Variants in ASCC3 observed in about 807,000 individuals in gnomAD.
ASCC3 encodes the protein ASC-1 complex subunit P200.
A neutral mutation model predicts 256.3 loss-of-function variants in ASCC3; 158 were observed. That is an observed-to-expected ratio of 0.62 (90% CI 0.54 to 0.70). ASCC3 has a LOEUF of 0.70. Among genes scored for constraint, ASCC3 ranks in the 30% least tolerant of loss-of-function variants. The pLI, the probability that ASCC3 is intolerant of heterozygous loss-of-function variation, is 0.00. For missense variants in ASCC3, 2,259 were observed against 2,626.0 expected, an observed-to-expected ratio of 0.86 and a Z score of 3.05; for synonymous variants, 948 against 883.4, an observed-to-expected ratio of 1.07 and a Z score of -1.30.
At position 100,864,158 on chromosome 6, in the gene ASCC3, C is replaced by T. The variant is rs1773367212; in HGVS notation, c.147G>A (p.Lys49=). ...GTTTTTCATTCAAAAATTTTATTAT[C>T]TTCTTCCATGTCAGGCCCAAATCTA... ...QVLDLGLTWK[K]IIKFLNEKLE... Residue 49 remains lysine (K), a synonymous_variant, in exon 3 of 42, where the codon AAG becomes AAA. Transcript: ENST00000369162. 1.9e-6 allele frequency: 3 copies of T among 1,608,204 alleles called. No homozygotes were observed. The Admixed American group carries it at 5.0e-5, about 27-fold the overall frequency.
chr6:100,718,355 A>T, intron 11 of ASCC3, 104 bp from the exon 12 acceptor site: 1 of 936,880 alleles, frequency 1.1e-6, no homozygotes. Flanking sequence ...CTAGACAGAG[A>T]TGAGTGTAGA....
At chr6:100,661,323 T>TCA (rs749963143) in intron 16 of ASCC3, among the ~76,000 whole-genome samples, 3,391 of 141,584 alleles carry the variant, frequency 0.024, 67 homozygotes, top group African/African-American at 0.055. Context: ...AACACAAAAG[T>TCA]CACACACACA....
chr6:100,519,277 T>G (rs1442359715), intron 37 of ASCC3, among the ~76,000 whole-genome samples: 2 of 152,142 alleles, frequency 1.3e-5, no homozygotes, highest in African/African-American at 2.4e-5. Flanking sequence ...GATATCATGA[T>G]TCATGTGATG....
chr6:100,828,092 T>TAAAAAA (rs10684305), intron 4 of ASCC3, among the ~76,000 whole-genome samples: 1 of 125,340 alleles, frequency 8.0e-6, no homozygotes, highest in Non-Finnish European at 1.6e-5. Context: ...CAGTATTTTC[T>TAAAAAA]AAAAAAAAAA....
intron 24 of ASCC3, among the ~76,000 whole-genome samples, chr6:100,642,066 T>C (rs2114891700): frequency 6.6e-6 from 1 of 151,260 alleles, no homozygotes; most frequent in South Asian, 2.1e-4. Flanking sequence ...TAATGTTAAA[T>C]GACGAGTTAA....
At chr6:100,637,830 T>G (rs1774920279) in intron 25 of ASCC3, among the ~76,000 whole-genome samples, 1 of 152,160 alleles carries the variant, frequency 6.6e-6, no homozygotes, top group South Asian at 2.1e-4. Context: ...TGTTACAATC[T>G]CATGATTAAA....
intron 2 of ASCC3, among the ~76,000 whole-genome samples, chr6:100,865,497 G>A (rs1214421579): frequency 6.6e-6 from 1 of 152,092 alleles, no homozygotes; most frequent in Non-Finnish European, 1.5e-5. Context: ...TTTAACTGCT[G>A]TGAACAATGT....
At chr6:100,612,159 A>G (rs1773432368) in intron 30 of ASCC3, among the ~76,000 whole-genome samples, 1 of 151,994 alleles carries the variant, frequency 6.6e-6, no homozygotes, top group East Asian at 1.9e-4. Context: ...TACATTTTAT[A>G]TTTATTATAC....
chr6:100,533,938 A>G (rs1775037605), intron 37 of ASCC3, among the ~76,000 whole-genome samples: 1 of 152,244 alleles, frequency 6.6e-6, no homozygotes, highest in South Asian at 2.1e-4. Flanking sequence ...AATCACCTTT[A>G]GCAGAGCTAT....
intron 3 of ASCC3, 29 bp from the exon 4 acceptor site, chr6:100,848,736 G>T (rs1435766285): frequency 3.8e-6 from 6 of 1,596,094 alleles, no homozygotes; most frequent in Non-Finnish European, 5.1e-6. Flanking sequence ...AACAGTATTA[G>T]CTCAATTGAA....
At chr6:100,666,018 C>T (rs1214190963) in intron 14 of ASCC3, among the ~76,000 whole-genome samples, 1 of 152,136 alleles carries the variant, frequency 6.6e-6, no homozygotes, top group African/African-American at 2.4e-5. Context: ...TGTACTCCAA[C>T]CCTATAGTTT....
At chr6:100,805,329 A>G (rs1230735589) in intron 5 of ASCC3, among the ~76,000 whole-genome samples, 1 of 152,104 alleles carries the variant, frequency 6.6e-6, no homozygotes, top group African/African-American at 2.4e-5. Context: ...AGACACAAAG[A>G]TGGAAACAAC....
Position 100,767,278 on chromosome 6 carries a change from G to A in ASCC3, c.1463C>T (p.Ala488Val), listed in dbSNP as rs1781701079. Residue 488 changes from alanine (A) to valine (V), a missense_variant, in exon 9 of 42, where the codon GCC becomes GTC. Around this residue, in one of 2 missense-constraint regions of ASCC3, gnomAD observed 1,839 missense variants for 2,206.7 expected, o/e 0.83. Transcript: ENST00000369162. ...CAGCATGTTCTCATTGGTGTTGTAG[G>A]CAGTCTCAAACACTATTGACTGGAT... ...NRIQSIVFET[A>V]YNTNENMLIC... is the part of the protein sequence containing the mutation. 6.2e-7 allele frequency: 1 copy of A among 1,613,926 alleles called. No individual in the cohort carries two copies. The highest frequency in any genetic ancestry group is 8.5e-7 in the Non-Finnish European group (1 of 1,179,972).
At chr6:100,603,893 C>T (rs575709028) in intron 33 of ASCC3, among the ~76,000 whole-genome samples, 4 of 151,810 alleles carry the variant, frequency 2.6e-5, no homozygotes, top group East Asian at 1.9e-4. Flanking sequence ...GTTATATTCC[C>T]TTCTCGTAAA....
At chr6:100,739,247 T>C (rs1251059440) in intron 10 of ASCC3, among the ~76,000 whole-genome samples, 1 of 152,234 alleles carries the variant, frequency 6.6e-6, no homozygotes, top group Non-Finnish European at 1.5e-5. Context: ...TCACATTTAT[T>C]CACTTGCATA....
intron 8 of ASCC3, among the ~76,000 whole-genome samples, chr6:100,789,050 C>T (rs1002203697): frequency 7.7e-5 from 11 of 142,464 alleles, no homozygotes; most frequent in Non-Finnish European, 1.7e-4. Flanking sequence ...AAAAAGACAA[C>T]AAAAACAAAA....
intron 10 of ASCC3, among the ~76,000 whole-genome samples, chr6:100,726,838 C>T (rs535274204): frequency 6.6e-6 from 1 of 152,140 alleles, no homozygotes; most frequent in Non-Finnish European, 1.5e-5. Context: ...AATACTTTTA[C>T]TGTCAACTTA....
At chr6:100,696,693 T>C (rs2114992340) in intron 13 of ASCC3, among the ~76,000 whole-genome samples, 1 of 152,196 alleles carries the variant, frequency 6.6e-6, no homozygotes, top group East Asian at 1.9e-4. Flanking sequence ...AACATTATTT[T>C]AGCATGACTA....
chr6:100,720,628 T>C (rs1327084993), intron 11 of ASCC3, among the ~76,000 whole-genome samples: 1 of 151,712 alleles, frequency 6.6e-6, no homozygotes, highest in Non-Finnish European at 1.5e-5. Flanking sequence ...GATGTAGAAG[T>C]TAAAATTAGA....
Sources: gnomAD v4.1 joint callset for allele counts (sites outside exome capture counted in the v4.1 genomes callset) on GRCh38, gnomAD v4.1.1 for gene constraint, gnomAD v4.1.1 regional missense constraint, MANE v1.5 for transcripts, NCBI Gene and HGNC (gene_info 2026-07-23, HGNC 2026-07-21) for gene names.